The following PDLIM3 variants were observed in gnomAD, a reference collection of about 807,000 sequenced individuals.
PDLIM3 encodes PDZ and LIM domain 3.
A neutral mutation model predicts 37.3 loss-of-function variants in PDLIM3; 36 were observed. The observed-to-expected ratio is 0.97, with a 90% CI of 0.74 to 1.28. PDLIM3 has a LOEUF of 1.28. Among genes scored for constraint, PDLIM3 ranks in the 50% most tolerant of loss-of-function variants. PDLIM3 has a pLI of 0.00. For synonymous variants in PDLIM3, 174 were observed against 182.4 expected, an observed-to-expected ratio of 0.95 and a Z score of 0.37; for missense variants, 454 against 485.0, an observed-to-expected ratio of 0.94 and a Z score of 0.60.
intron 2 of PDLIM3, 78 bp downstream of exon 2, chr4:185,524,942 G>C: frequency 2.8e-6 from 4 of 1,435,304 alleles, no homozygotes; most frequent in Non-Finnish European, 3.9e-6. Flanking sequence ...CTTGCTGGGA[G>C]GATGAAGTTA....
At chr4:185,513,456 G>A in intron 4 of PDLIM3, 7 of 934,912 alleles carry the variant, frequency 7.5e-6, no homozygotes, top group South Asian at 5.0e-5. Flanking sequence ...ACACACTTAA[G>A]AGTGATGTGC....
intron 1 of PDLIM3, among the ~76,000 whole-genome samples, chr4:185,531,015 CGT>C (rs1491467048): frequency 1.4e-5 from 2 of 147,050 alleles, no homozygotes; most frequent in Non-Finnish European, 3.0e-5. Context: ...CACACACACA[CGT>C]ATATATATAT....
intron 3 of PDLIM3, chr4:185,516,529 A>C (rs1407969545): frequency 6.6e-6 from 1 of 152,212 alleles, no homozygotes. Flanking sequence ...CCTAGGTGTA[A>C]GACCAGAGTT....
chr4:185,526,710 C>T (rs931950684), intron 1 of PDLIM3, among the ~76,000 whole-genome samples: 9 of 152,296 alleles, frequency 5.9e-5, no homozygotes, highest in African/African-American at 2.2e-4. Context: ...TGCTCTCCCT[C>T]ATCCATGGTG....
At chr4:185,521,399 C>CT (rs528835696) in intron 3 of PDLIM3, among the ~76,000 whole-genome samples, 19,724 of 44,974 alleles carry the variant, frequency 0.44, 8,099 homozygotes, top group East Asian at 0.98. Context: ...CTTTTCTTTT[C>CT]TTTTTTTTTT....
Position 185,502,277 on chromosome 4 carries a change from G to A in PDLIM3, c.*17C>T, listed in dbSNP as rs1580228717. 6.2e-7 allele frequency: 1 copy of A among 1,613,022 alleles called. No homozygotes were observed. On this transcript the variant is annotated 3_prime_UTR_variant, in exon 8 of 8. Coordinates refer to ENST00000284767, the MANE Select transcript of PDLIM3 (RefSeq NM_014476.6). ...CGCGTGGGTGGGTGCGTGCGTGCGTGCCACGCCTGCAGAGACTTAAGCTTT... is the reference window on the plus strand; with the variant it reads ...CGCGTGGGTGGGTGCGTGCGTGCGTACCACGCCTGCAGAGACTTAAGCTTT...
chr4:185,507,270 A>G (rs2095699239), intron 5 of PDLIM3, among the ~76,000 whole-genome samples: 1 of 152,184 alleles, frequency 6.6e-6, no homozygotes, highest in Non-Finnish European at 1.5e-5. Flanking sequence ...GCTATAACTG[A>G]CTGCACTGTC....
In PDLIM3 at chr4:185,504,438, C is replaced by G. The variant is rs1023684992; in HGVS notation, c.905+37G>C. 2 of 1,506,284 alleles carry G rather than the reference C, an allele frequency of 1.3e-6. No homozygotes were observed. Among genetic ancestry groups the G allele is most frequent in the Admixed American group, 1.7e-5 (1 of 59,784 alleles). The allele number at this position is 1,506,284 out of a possible 1,614,324, so 93.3% of individuals were successfully genotyped here. A position where few individuals can be genotyped will look rare whatever the true frequency, so the allele number is the denominator to read the frequency against. On this transcript the variant is annotated intron_variant, in intron 7 of 7. Coordinates refer to ENST00000284767, the MANE Select transcript of PDLIM3 (RefSeq NM_014476.6). This position sits in a 1 kb window ranked among gnomAD's most constrained non-coding sequence, Gnocchi z 4.7. ...GGAGAAGAAATGAACTGTCGCCAAG[C>G]TGTATCGTAAATTCCAGGGTTAAAA... is the stretch of plus-strand genomic sequence containing the variant.
chr4:185,530,414 T>C (rs2095741901), intron 1 of PDLIM3, among the ~76,000 whole-genome samples: 1 of 152,232 alleles, frequency 6.6e-6, no homozygotes, highest in Non-Finnish European at 1.5e-5. Flanking sequence ...TCTATATTGG[T>C]ACTCAAGCTC....
At chr4:185,508,176 T>C (rs2095700903) in intron 5 of PDLIM3, 123 bp downstream of exon 5, 1 of 961,780 alleles carries the variant, frequency 1.0e-6, no homozygotes, top group African/African-American at 1.6e-5. Context: ...AAATCCTTAG[T>C]ATTTTAAAAA....
intron 7 of PDLIM3, among the ~76,000 whole-genome samples, chr4:185,503,099 C>CT (rs1439369768): frequency 1.3e-5 from 2 of 151,978 alleles, no homozygotes; most frequent in African/African-American, 4.8e-5. Context: ...GCGTGGGCAC[C>CT]TGTAGTCCCA....
Position 185,502,370 on chromosome 4 carries a change from T to C in PDLIM3, c.1019A>G (p.Tyr340Cys), listed in dbSNP as rs2095688489. 1.2e-6 allele frequency: 2 copies of C among 1,614,102 alleles called. No individual in the cohort carries two copies. Among genetic ancestry groups the C allele is most frequent in the African/African-American group, 1.3e-5 (1 of 74,932 alleles). The change falls in exon 8 of 8, where the codon TAC becomes TGC. Residue 340 changes from tyrosine (Y) to cysteine (C), a missense_variant. By Grantham distance (194) the Tyr-to-Cys change is radical (BLOSUM62 -2). Coordinates refer to ENST00000284767, the MANE Select transcript of PDLIM3 (RefSeq NM_014476.6). The stretch of plus-strand genomic sequence containing the variant: ...GCGGGCTCTTGCGTGGGTTTCGCAG[T>C]ACAGCTCCCCTTCTATGAAGAAGTA... The part of the protein sequence containing the change: ...KGYFFIEGEL[Y>C]CETHARARTK...
At chr4:185,525,422 C>T (rs1370781027) in intron 1 of PDLIM3, among the ~76,000 whole-genome samples, 1 of 152,190 alleles carries the variant, frequency 6.6e-6, no homozygotes, top group Non-Finnish European at 1.5e-5. Flanking sequence ...AAACATCTTA[C>T]ATAATTCCCA....
At chr4:185,533,672 A>AT (rs1477944093) in intron 1 of PDLIM3, among the ~76,000 whole-genome samples, 2 of 152,176 alleles carry the variant, frequency 1.3e-5, no homozygotes, top group Non-Finnish European at 2.9e-5. Flanking sequence ...CTGCCATTAT[A>AT]TCAAATATAT....
At position 185,504,460 on chromosome 4, in the gene PDLIM3, A is replaced by T; in HGVS notation, c.905+15T>A. On this transcript the variant is annotated intron_variant, in intron 7 of 7. Coordinates refer to ENST00000284767, the MANE Select transcript of PDLIM3 (RefSeq NM_014476.6). This position sits in a 1 kb window ranked among gnomAD's most constrained non-coding sequence, Gnocchi z 4.7. ...AAGCTGTATCGTAAATTCCAGGGTTAAAAGTGAAACTTACACTATGCCACT... is the reference window on the plus strand; with the variant it reads ...AAGCTGTATCGTAAATTCCAGGGTTTAAAGTGAAACTTACACTATGCCACT... 6.3e-7 allele frequency: 1 copy of T among 1,589,632 alleles called. No individual in the cohort carries two copies. The highest frequency in any genetic ancestry group is 8.6e-7 in the Non-Finnish European group (1 of 1,157,816).
In PDLIM3 at chr4:185,501,870, C is replaced by T; in HGVS notation, c.*424G>A. ...AACATGCACTGTAATAGTTAAAACA[C>T]ATACAGACAACTGCAGATTATGTTA... On this transcript the variant is annotated 3_prime_UTR_variant, in exon 8 of 8. Transcript: ENST00000284767. 1 of 271,374 alleles carries T rather than the reference C, an allele frequency of 3.7e-6. No individual in the cohort carries two copies. The highest frequency in any genetic ancestry group is 7.2e-6 in the Non-Finnish European group (1 of 138,998). The allele number at this position is 271,374 out of a possible 1,614,324, so 16.8% of individuals were successfully genotyped here.
At chr4:185,512,073 T>C (rs1332933409) in intron 4 of PDLIM3, 5 of 149,978 alleles carry the variant, frequency 3.3e-5, no homozygotes, top group African/African-American at 9.8e-5. Flanking sequence ...AAGGAGGATG[T>C]TGGGGGCACT....
At chr4:185,506,868 C>A in intron 5 of PDLIM3, 1 of 531,916 alleles carries the variant, frequency 1.9e-6, no homozygotes, top group Non-Finnish European at 3.4e-6. Context: ...CGGGGAGTCA[C>A]ACCCACACTC....
chr4:185,523,098 T>A (rs2095725397), intron 3 of PDLIM3: 1 of 295,398 alleles, frequency 3.4e-6, no homozygotes, highest in Admixed American at 6.8e-5. Flanking sequence ...AATGAAAAAA[T>A]AATAAGTGGA....
Sources: gnomAD v4.1 joint callset for allele counts (sites outside exome capture counted in the v4.1 genomes callset) on GRCh38, gnomAD v4.1.1 for gene constraint, Gnocchi (gnomAD v3.1) non-coding constraint, MANE v1.5 for transcripts, NCBI Gene and HGNC (gene_info 2026-07-23, HGNC 2026-07-21) for gene names.